The following ARRB1 variants were observed in gnomAD, a reference collection of about 807,000 sequenced individuals.
The protein encoded by ARRB1 is beta-arrestin-1.
ARRB1 carries 21 observed loss-of-function variants against 56.8 expected under a neutral mutation model. The observed-to-expected ratio is 0.37, with a 90% CI of 0.26 to 0.53. The LOEUF is 0.53. Among genes scored for constraint, ARRB1 ranks in the 20% least tolerant of loss-of-function variants. The pLI, the probability that ARRB1 is intolerant of heterozygous loss-of-function variation, is 0.88. For missense variants in ARRB1, 424 were observed against 553.7 expected, an observed-to-expected ratio of 0.77 and a Z score of 2.35; for synonymous variants, 210 against 218.6, an observed-to-expected ratio of 0.96 and a Z score of 0.35.
intron 10 of ARRB1, among the ~76,000 whole-genome samples, chr11:75,275,192 G>A (rs1008863939): frequency 7.2e-5 from 10 of 138,362 alleles, no homozygotes; most frequent in African/African-American, 2.8e-4. Flanking sequence ...TGTCGCCCAG[G>A]CTAGAGTACA....
chr11:75,340,942 G>A (rs1447950636), intron 1 of ARRB1, among the ~76,000 whole-genome samples: 1 of 152,084 alleles, frequency 6.6e-6, no homozygotes, highest in Non-Finnish European at 1.5e-5. Flanking sequence ...CTGGCCCTGG[G>A]CAATCTCACT....
intron 2 of ARRB1, among the ~76,000 whole-genome samples, chr11:75,288,654 C>T (rs1253068705): frequency 8.7e-5 from 13 of 150,118 alleles, no homozygotes; most frequent in Admixed American, 8.0e-4. Context: ...CTCCCTCTGT[C>T]GCCCAGGCTG....
chr11:75,321,273 C>A (rs1435781280), intron 1 of ARRB1, among the ~76,000 whole-genome samples: 1 of 147,090 alleles, frequency 6.8e-6, no homozygotes, highest in Non-Finnish European at 1.5e-5. Flanking sequence ...TCACCCCCCC[C>A]CACCACCATC....
chr11:75,275,507 G>T (rs1040262100), intron 10 of ARRB1, among the ~76,000 whole-genome samples: 4 of 152,056 alleles, frequency 2.6e-5, no homozygotes, highest in Non-Finnish European at 4.4e-5. Context: ...AAGCTATTTG[G>T]GCACCCATAT....
intron 1 of ARRB1, among the ~76,000 whole-genome samples, chr11:75,296,190 A>T (rs11822846): frequency 0.012 from 1,850 of 150,850 alleles, 36 homozygotes; most frequent in African/African-American, 0.04. Context: ...TGTCTCAAAA[A>T]AAAAAAAAAA....
At chr11:75,301,568 C>G (rs1439824910) in intron 1 of ARRB1, among the ~76,000 whole-genome samples, 1 of 152,192 alleles carries the variant, frequency 6.6e-6, no homozygotes. Flanking sequence ...TACGTTCCCC[C>G]ATCCCTGTCC....
chr11:75,265,965 G>A lies in ARRB1; in HGVS notation c.*198C>T, dbSNP rs777315891. The A allele has an allele frequency of 6.4e-5, 38 of 589,558 alleles. No individual in the cohort carries two copies. Among genetic ancestry groups the A allele is most frequent in the African/African-American group, 1.7e-4 (9 of 53,664 alleles). 36.5% of individuals were successfully genotyped at this position (589,558 alleles called of 1,614,324 possible). A position where few individuals can be genotyped will look rare whatever the true frequency, so the allele number is the denominator to read the frequency against. On this transcript the variant is annotated 3_prime_UTR_variant, in exon 16 of 16. Transcript: ENST00000420843. ...GGCAGAGATGGGGTGGAGCCAGTGC[G>A]CTGTGGTCCTGTTGGCGTGGTGATG...
At chr11:75,284,000 C>G (rs956218310) in intron 4 of ARRB1, among the ~76,000 whole-genome samples, 13 of 152,186 alleles carry the variant, frequency 8.5e-5, no homozygotes, top group Non-Finnish European at 1.9e-4. Context: ...GCATCCCCAG[C>G]CTTGCCACAG....
chr11:75,329,993 C>T (rs961730471), intron 1 of ARRB1, among the ~76,000 whole-genome samples: 1 of 151,702 alleles, frequency 6.6e-6, no homozygotes, highest in Non-Finnish European at 1.5e-5. Flanking sequence ...AGACTGAGAC[C>T]CTGTCTCTAA....
At chr11:75,267,820 T>G (rs1339932485) in intron 14 of ARRB1, 117 bp from the exon 15 acceptor site, 5 of 832,288 alleles carry the variant, frequency 6.0e-6, no homozygotes, top group Non-Finnish European at 5.9e-6. Context: ...GGGCAAAGGA[T>G]AAAGGGGAAT....
intron 14 of ARRB1, 113 bp downstream of exon 14, chr11:75,268,776 G>T: frequency 8.8e-7 from 1 of 1,139,314 alleles, no homozygotes; most frequent in South Asian, 1.4e-5. Context: ...AAGATCTGGG[G>T]ACCCGAGAAA....
chr11:75,285,844 G>T (rs1227372813), intron 3 of ARRB1, among the ~76,000 whole-genome samples: 1 of 152,148 alleles, frequency 6.6e-6, no homozygotes, highest in Non-Finnish European at 1.5e-5. Context: ...TCCTTAGTAG[G>T]CCAATGGACA....
At position 75,263,659 on chromosome 11, in the gene ARRB1, T is replaced by C. The variant is rs1179962282; in HGVS notation, c.*2504A>G. ...ATCTCTGTGGCTCCAGTACTTGGCA[T>C]AGAGCTGAGTCATCAGCAAAGGATG... On this transcript the variant is annotated 3_prime_UTR_variant, in exon 16 of 16. Coordinates refer to ENST00000420843, the MANE Select transcript of ARRB1 (RefSeq NM_004041.5). 6.6e-6 allele frequency among the ~76,000 whole-genome samples: 1 copy of C among 151,232 alleles called. No homozygotes were observed. The highest frequency in any genetic ancestry group is 6.6e-5 in the Admixed American group (1 of 15,158).
At position 75,290,057 on chromosome 11, in the gene ARRB1, G is replaced by T. The variant is rs570715227; in HGVS notation, c.21-18C>A. 2.5e-5 allele frequency: 40 copies of T among 1,614,112 alleles called. No individual in the cohort carries two copies. In the South Asian group the frequency reaches 2.6e-4, roughly 11 times the overall value. On this transcript the variant is annotated intron_variant, in intron 1 of 15. Transcript: ENST00000420843. The stretch of plus-strand genomic sequence containing the variant: ...TGAACACTCTGTGGAGAGAAAGAGA[G>T]GTCAGGCCAGGGTTCGCGTATCCTG...
intron 7 of ARRB1, among the ~76,000 whole-genome samples, chr11:75,280,341 G>A (rs150329119): frequency 2.0e-4 from 30 of 152,332 alleles, no homozygotes; most frequent in Admixed American, 1.7e-3. Flanking sequence ...GCCACCAGGT[G>A]GCAAACTCAG....
At chr11:75,332,204 C>A (rs1377116742) in intron 1 of ARRB1, among the ~76,000 whole-genome samples, 1 of 152,138 alleles carries the variant, frequency 6.6e-6, no homozygotes, top group Admixed American at 6.6e-5. Flanking sequence ...TTATTGTTCA[C>A]ACAAAGCCTG....
At chr11:75,327,041 G>T (rs964005925) in intron 1 of ARRB1, among the ~76,000 whole-genome samples, 1 of 151,840 alleles carries the variant, frequency 6.6e-6, no homozygotes, top group Non-Finnish European at 1.5e-5. Context: ...TGTGCTGGGC[G>T]TGGTGGCTCA....
chr11:75,321,607 G>A (rs866185442), intron 1 of ARRB1, among the ~76,000 whole-genome samples: 7 of 152,122 alleles, frequency 4.6e-5, no homozygotes, highest in South Asian at 2.1e-4. Flanking sequence ...CTAGTGAACT[G>A]GTCTGCCTTG....
intron 1 of ARRB1, chr11:75,312,226 A>G: frequency 9.2e-7 from 1 of 1,091,206 alleles, no homozygotes; most frequent in Non-Finnish European, 1.2e-6. Context: ...TGGGAAATGC[A>G]CCGCCAGGAA....
Sources: gnomAD v4.1 joint callset for allele counts (sites outside exome capture counted in the v4.1 genomes callset) on GRCh38, gnomAD v4.1.1 for gene constraint, MANE v1.5 for transcripts, NCBI Gene and HGNC (gene_info 2026-07-23, HGNC 2026-07-21) for gene names.